The following SPATA13 variants were observed in gnomAD, a reference collection of about 807,000 sequenced individuals.
SPATA13 encodes the protein spermatogenesis-associated protein 13.
Under a neutral mutation model 104.0 loss-of-function variants are expected in SPATA13, and 50 were observed. The observed-to-expected ratio is 0.48, with a 90% CI of 0.38 to 0.61. The LOEUF (loss-of-function observed/expected upper bound fraction) is 0.61, where lower values mean the gene tolerates loss of function less well. Among genes scored for constraint, SPATA13 ranks in the 20% least tolerant of loss-of-function variants. The pLI is 0.00. For synonymous variants in SPATA13, 606 were observed against 667.5 expected (o/e 0.91, Z 1.42); for missense variants, 1,524 against 1,690.6 (o/e 0.90, Z 1.73).
chr13:24,244,498 C>T lies in SPATA13; in HGVS notation c.1654-4979C>T, dbSNP rs549805885. Among the ~76,000 whole-genome samples, 159 of 152,298 alleles carry T rather than the reference C, an allele frequency of 1.0e-3. 1 individual carries two copies. Among genetic ancestry groups the T allele is most frequent in the Admixed American group, 2.7e-3 (41 of 15,294 alleles). ...TAACATAGCCTATATTGGCTTTTTA[C>T]TTTTGCAGAGTAAAATATGAAATCT... is the stretch of plus-strand genomic sequence containing the variant. On this transcript the variant is annotated intron_variant, in intron 2 of 12. Coordinates refer to ENST00000382108, the MANE Select transcript of SPATA13 (RefSeq NM_001166271.3).
intron 3 of SPATA13, among the ~76,000 whole-genome samples, chr13:24,023,936 A>G (rs892983053): frequency 6.6e-6 from 1 of 152,346 alleles, no homozygotes; most frequent in South Asian, 2.1e-4. Flanking sequence ...AGCAGCAGGA[A>G]ACAAATGCAT....
At chr13:24,178,729 C>T (rs1310158107) in intron 1 of SPATA13, among the ~76,000 whole-genome samples, 1 of 152,154 alleles carries the variant, frequency 6.6e-6, no homozygotes, top group Admixed American at 6.5e-5. Context: ...AAAATTGACA[C>T]CACAGCACAG....
rs1339107848 is a variant in SPATA13, at chr13:24,299,986, T to G, written c.3584-415T>G. Among the ~76,000 whole-genome samples the G allele has an allele frequency of 2.0e-5, 3 of 152,182 alleles. 1 individual carries two copies. Among genetic ancestry groups the G allele is most frequent in the Middle Eastern group, 6.3e-3 (2 of 316 alleles). ...ACTCACGTGGTACCTTTGTTCAGGG[T>G]GGAACTGCTAACGTGCAAAGCTCTC... On this transcript the variant is annotated intron_variant, in intron 11 of 12. Transcript: ENST00000382108.
chr13:24,302,953 T>G lies in SPATA13; in HGVS notation c.*180T>G. 1 of 743,330 alleles carries G rather than the reference T, an allele frequency of 1.3e-6. No homozygotes were observed. Among genetic ancestry groups the G allele is most frequent in the Non-Finnish European group, 2.2e-6 (1 of 455,272 alleles). The allele number at this position is 743,330 out of a possible 1,614,324, so 46.0% of individuals were successfully genotyped here. On this transcript the variant is annotated 3_prime_UTR_variant, in exon 13 of 13. Coordinates refer to ENST00000382108, the MANE Select transcript of SPATA13 (RefSeq NM_001166271.3). ...GTCTTTGGAGACCCAGCTGCCTTTG[T>G]GGAAGGGAGGAGACGGTCATGACAC... is the stretch of plus-strand genomic sequence containing the variant.
intron 1 of SPATA13, among the ~76,000 whole-genome samples, chr13:24,163,878 G>A (rs1258401858): frequency 6.6e-6 from 1 of 152,154 alleles, no homozygotes; most frequent in African/African-American, 2.4e-5. Context: ...TGAGCTAAGA[G>A]GCATTGGAAG....
chr13:24,280,952 C>A (rs77784335), intron 4 of SPATA13, among the ~76,000 whole-genome samples: 13,307 of 152,166 alleles, frequency 0.087, 1,224 homozygotes, highest in African/African-American at 0.23. Context: ...TTCAGGCTCC[C>A]GTGTTTCTCA....
chr13:24,158,175 G>T (rs1328215002), upstream of SPATA13, among the ~76,000 whole-genome samples: 1 of 152,160 alleles, frequency 6.6e-6, no homozygotes, highest in Non-Finnish European at 1.5e-5. Flanking sequence ...TGAATATTCA[G>T]GCTCCAGTTA....
chr13:23,984,471 G>T (rs1453546305), intron 2 of SPATA13, among the ~76,000 whole-genome samples: 1 of 152,218 alleles, frequency 6.6e-6, no homozygotes, highest in East Asian at 1.9e-4. Context: ...CGTGTGCATT[G>T]TTCTAGGAAT....
At chr13:24,227,938 ACT>A (rs1872038628) in intron 2 of SPATA13, among the ~76,000 whole-genome samples, 1 of 149,168 alleles carries the variant, frequency 6.7e-6, no homozygotes, top group African/African-American at 2.5e-5. Context: ...AATTTCACTC[ACT>A]CTGTCACCAG....
chr13:24,188,345 A>T (rs372775736), intron 1 of SPATA13, among the ~76,000 whole-genome samples: 1 of 7,920 alleles, frequency 1.3e-4, no homozygotes, highest in South Asian at 3.4e-3. Context: ...AAAAAATAAT[A>T]AAAAAAAAAA....
intron 2 of SPATA13, among the ~76,000 whole-genome samples, chr13:24,230,630 T>C (rs1486789399): frequency 2.6e-5 from 4 of 152,188 alleles, no homozygotes; most frequent in Admixed American, 6.5e-5. Flanking sequence ...CCCGACCACA[T>C]AGGATCGTTG....
chr13:24,131,542 G>T (rs1158272025), intron 3 of SPATA13, among the ~76,000 whole-genome samples: 1 of 152,222 alleles, frequency 6.6e-6, no homozygotes. Flanking sequence ...TGTCCAGGAG[G>T]TAAAGTTTGG....
intron 4 of SPATA13, among the ~76,000 whole-genome samples, chr13:24,281,117 T>C (rs1875478974): frequency 6.6e-6 from 1 of 151,482 alleles, no homozygotes; most frequent in Non-Finnish European, 1.5e-5. Flanking sequence ...GCCATGCCCC[T>C]GGCAACCGTC....
Position 24,223,147 on chromosome 13 carries a change from T to C in SPATA13, c.218T>C (p.Val73Ala), listed in dbSNP as rs1383899872. Residue 73 changes from valine to alanine, a missense_variant, in exon 2 of 13, where the codon GTG (valine) becomes GCG (alanine). Transcript: ENST00000382108. The stretch of plus-strand genomic sequence containing the variant: ...GCCAAACTCAGCCCAGCCAAGCTTG[T>C]GCGCCTCTTTTCCACCAGTCGGAAG... ...QEAKLSPAKL[V>A]RLFSTSRKRT... 1.2e-5 allele frequency: 19 copies of C among 1,551,564 alleles called. No homozygotes were observed. The East Asian group carries it at 4.4e-4, about 36-fold the overall frequency.
intron 1 of SPATA13, among the ~76,000 whole-genome samples, chr13:24,171,247 G>A (rs1882954123): frequency 6.6e-6 from 1 of 152,086 alleles, no homozygotes; most frequent in Non-Finnish European, 1.5e-5. Flanking sequence ...GGAAAGCAGT[G>A]CCCATCACTG....
chr13:24,142,932 C>T lies in SPATA13; in HGVS notation c.-111-79887C>T, dbSNP rs141584663. On this transcript the variant is annotated intron_variant, in intron 3 of 14. Coordinates refer to the SPATA13 transcript ENST00000424834. ...CAGGGCCTTCTCCTTTCTTGCAGGG[C>T]TGAAGCAGCTCTCCATCCATGCCTG... is the stretch of plus-strand genomic sequence containing the variant. Among the ~76,000 whole-genome samples the T allele has an allele frequency of 5.9e-3, 906 of 152,314 alleles. 15 individuals carry two copies. Among genetic ancestry groups the T allele is most frequent in the African/African-American group, 0.02 (845 of 41,558 alleles).
rs566483624 is a variant in SPATA13, at chr13:24,059,096, C to T, written c.-112+41395C>T. Among the ~76,000 whole-genome samples, 24 of 151,694 alleles carry T rather than the reference C, an allele frequency of 1.6e-4. 1 individual carries two copies. Among genetic ancestry groups the T allele is most frequent in the Non-Finnish European group, 3.1e-4 (21 of 67,836 alleles). On this transcript the variant is annotated intron_variant, in intron 3 of 14. Coordinates refer to the SPATA13 transcript ENST00000424834. ...ACGCCATTCTCCTGCCTCAGCCTTC[C>T]GAGTAGCTGGGACTACAGTCGCCCA... is the stretch of plus-strand genomic sequence containing the variant.
At chr13:24,106,818 A>G (rs1278016491) in intron 3 of SPATA13, among the ~76,000 whole-genome samples, 1 of 152,214 alleles carries the variant, frequency 6.6e-6, no homozygotes, top group Non-Finnish European at 1.5e-5. Flanking sequence ...GTAGAGAAAG[A>G]GACAACAAAA....
At chr13:24,239,444 T>C (rs959879954) in intron 2 of SPATA13, among the ~76,000 whole-genome samples, 4 of 152,076 alleles carry the variant, frequency 2.6e-5, no homozygotes, top group African/African-American at 9.7e-5. Flanking sequence ...CCTGTAATCC[T>C]AACACTTTGG....
Sources: gnomAD v4.1 joint callset for allele counts (sites outside exome capture counted in the v4.1 genomes callset) on GRCh38, gnomAD v4.1.1 for gene constraint, MANE v1.5 for transcripts, NCBI Gene and HGNC (gene_info 2026-07-23, HGNC 2026-07-21) for gene names.